The following DSCAML1 variants were observed in gnomAD, a reference collection of about 807,000 sequenced individuals.
DSCAML1 encodes cell adhesion molecule DSCAML1.
Under a neutral mutation model 200.5 loss-of-function variants are expected in DSCAML1, and 38 were observed. That is an observed-to-expected ratio of 0.19 (90% CI 0.15 to 0.25). DSCAML1 has a LOEUF of 0.25. DSCAML1 is among the 10% of genes least tolerant of loss of function. The pLI is 1.00. For missense variants in DSCAML1, 2,223 were observed against 2,858.8 expected (o/e 0.78, Z 5.07); for synonymous variants, 1,215 against 1,165.0 (o/e 1.04, Z -0.87).
intron 8 of DSCAML1, among the ~76,000 whole-genome samples, chr11:117,514,417 C>G (rs1472461748): frequency 1.3e-5 from 2 of 152,006 alleles, no homozygotes; most frequent in Admixed American, 6.6e-5. Flanking sequence ...TGTCTTTATT[C>G]CTAAGGCAGA....
At chr11:117,790,026 C>T (rs1261228133) in intron 1 of DSCAML1, among the ~76,000 whole-genome samples, 3 of 152,190 alleles carry the variant, frequency 2.0e-5, no homozygotes, top group African/African-American at 7.2e-5. Context: ...AAGGTGATCA[C>T]CTGAATCTCC....
At chr11:117,652,193 C>T (rs916001575) in intron 3 of DSCAML1, among the ~76,000 whole-genome samples, 1 of 152,244 alleles carries the variant, frequency 6.6e-6, no homozygotes, top group Non-Finnish European at 1.5e-5. Flanking sequence ...TTCTCAGACT[C>T]CCAATATCTT....
chr11:117,514,253 G>A (rs952818930), intron 8 of DSCAML1, among the ~76,000 whole-genome samples: 1 of 152,178 alleles, frequency 6.6e-6, no homozygotes, highest in African/African-American at 2.4e-5. Context: ...TTCCCTTGGG[G>A]ATACAAAGGG....
chr11:117,455,666 C>G (rs1173681658), intron 19 of DSCAML1, among the ~76,000 whole-genome samples: 5 of 152,210 alleles, frequency 3.3e-5, no homozygotes, highest in African/African-American at 1.2e-4. Flanking sequence ...TATTGTTTTT[C>G]CTTTAGAAAA....
At chr11:117,609,532 C>T (rs914136186) in intron 3 of DSCAML1, among the ~76,000 whole-genome samples, 2 of 152,100 alleles carry the variant, frequency 1.3e-5, no homozygotes, top group African/African-American at 4.8e-5. Flanking sequence ...GTCTCAAGCT[C>T]CTGGGCTCAA....
At chr11:117,564,663 TTCCTTCC>T (rs2050722637) in intron 3 of DSCAML1, among the ~76,000 whole-genome samples, 3 of 151,784 alleles carry the variant, frequency 2.0e-5, no homozygotes, top group African/African-American at 7.3e-5. Context: ...TTCTTTTTCT[TTCCTTCC>T]TCCTTCCTTC....
At position 117,545,058 on chromosome 11, in the gene DSCAML1, G is replaced by A. The variant is rs186791388; in HGVS notation, c.512-12536C>T. ...CAGCCTGGCCAAGATGAAAAAACCC[G>A]GTCTCTACTAAAAATACAAAAACTA... On this transcript the variant is annotated intron_variant, in intron 3 of 32. Transcript: ENST00000651296. 7.8e-4 allele frequency among the ~76,000 whole-genome samples: 118 copies of A among 151,782 alleles called. 1 individual carries two copies. The highest frequency in any genetic ancestry group is 2.3e-3 in the African/African-American group (95 of 41,378).
chr11:117,692,908 G>A (rs949405282), intron 3 of DSCAML1, among the ~76,000 whole-genome samples: 4 of 152,194 alleles, frequency 2.6e-5, no homozygotes, highest in African/African-American at 7.2e-5. Context: ...TGCACAGGAA[G>A]ACCATCCTTT....
intron 3 of DSCAML1, among the ~76,000 whole-genome samples, chr11:117,659,355 A>G (rs1171255932): frequency 6.6e-6 from 1 of 152,246 alleles, no homozygotes; most frequent in African/African-American, 2.4e-5. Flanking sequence ...CTATGAAGCC[A>G]CTAACAATGT....
rs548972712 is a variant in DSCAML1 at position 117,493,604 on chromosome 11, G to A, written c.2359+10241C>T. Among the ~76,000 whole-genome samples the A allele has an allele frequency of 4.0e-5, 6 of 151,788 alleles. No homozygotes were observed. In the East Asian group the frequency reaches 5.8e-4, roughly 15 times the overall value. ...GCTGGGATTACAGGCATGAGCCACC[G>A]CACCAGGCCTGGTCCTCTACTTTTT... On this transcript the variant is annotated intron_variant, in intron 11 of 32. Coordinates refer to ENST00000651296, the MANE Select transcript of DSCAML1 (RefSeq NM_020693.4).
rs558960605 is a variant in DSCAML1, at chr11:117,436,803, T to C, written c.4720+319A>G. On this transcript the variant is annotated intron_variant, in intron 26 of 32. Coordinates refer to ENST00000651296, the MANE Select transcript of DSCAML1 (RefSeq NM_020693.4). The stretch of plus-strand genomic sequence containing the variant: ...TAGAGGTCAGGACCTCAACCACACC[T>C]CTACCTCCCTTGTCACCTCCCTGAA... 2.8e-3 allele frequency among the ~76,000 whole-genome samples: 422 copies of C among 152,252 alleles called. 1 individual carries two copies. The highest frequency in any genetic ancestry group is 3.6e-3 in the Non-Finnish European group (245 of 68,028).
At chr11:117,511,167 A>T (rs2049610285) in intron 8 of DSCAML1, among the ~76,000 whole-genome samples, 1 of 152,278 alleles carries the variant, frequency 6.6e-6, no homozygotes, top group African/African-American at 2.4e-5. Context: ...CTAGGGAAAA[A>T]TTAGGGAGGG....
intron 3 of DSCAML1, among the ~76,000 whole-genome samples, chr11:117,716,935 C>T (rs1431364076): frequency 6.6e-6 from 1 of 152,130 alleles, no homozygotes; most frequent in Non-Finnish European, 1.5e-5. Flanking sequence ...TGGTCTCTTA[C>T]AGAAAGTCTG....
chr11:117,672,332 C>T (rs907403916), intron 3 of DSCAML1, among the ~76,000 whole-genome samples: 2 of 152,188 alleles, frequency 1.3e-5, no homozygotes, highest in South Asian at 2.1e-4. Flanking sequence ...TTGACATCAT[C>T]GGTGCTTTGC....
At chr11:117,496,523 G>A (rs561224179) in intron 11 of DSCAML1, among the ~76,000 whole-genome samples, 3 of 152,274 alleles carry the variant, frequency 2.0e-5, no homozygotes, top group East Asian at 3.9e-4. Flanking sequence ...CTTTTGTCTC[G>A]GAGCATTTCC....
intron 3 of DSCAML1, among the ~76,000 whole-genome samples, chr11:117,711,365 A>AG (rs1276909070): frequency 6.6e-6 from 1 of 152,206 alleles, no homozygotes; most frequent in Non-Finnish European, 1.5e-5. Flanking sequence ...GAGAAAACTG[A>AG]GGGGCAGAAT....
At chr11:117,691,002 G>A (rs554221967) in intron 3 of DSCAML1, among the ~76,000 whole-genome samples, 77 of 152,240 alleles carry the variant, frequency 5.1e-4, no homozygotes, top group Non-Finnish European at 8.2e-4. Flanking sequence ...TGACACATGC[G>A]TTTGGCCCTT....
At chr11:117,755,874 T>C (rs1221715863) in intron 3 of DSCAML1, among the ~76,000 whole-genome samples, 1 of 152,078 alleles carries the variant, frequency 6.6e-6, no homozygotes, top group African/African-American at 2.4e-5. Context: ...CCACCAAGAC[T>C]ACAGCCACCG....
intron 3 of DSCAML1, among the ~76,000 whole-genome samples, chr11:117,607,299 G>C (rs2051586785): frequency 6.6e-6 from 1 of 152,210 alleles, no homozygotes; most frequent in Admixed American, 6.5e-5. Flanking sequence ...AGAGGCAAAT[G>C]GGGTAGCAGC....
Sources: allele counts gnomAD v4.1 joint callset (sites outside exome capture counted in the v4.1 genomes callset), GRCh38; gene constraint gnomAD v4.1.1; transcripts MANE v1.5; gene names NCBI Gene and HGNC (gene_info 2026-07-23, HGNC 2026-07-21).